Variants in FHIT observed in about 807,000 individuals in gnomAD.
The protein encoded by FHIT is bis(5'-adenosyl)-triphosphatase.
In FHIT, 19 loss-of-function variants were observed where a neutral mutation model predicts 17.9. The observed-to-expected ratio is 1.06, with a 90% CI of 0.74 to 1.56. The LOEUF (loss-of-function observed/expected upper bound fraction) is 1.56, where lower values mean the gene tolerates loss of function less well. FHIT is among the 40% of genes most tolerant of loss of function. The pLI is 0.00. For missense variants in FHIT, 248 were observed against 189.2 expected, an observed-to-expected ratio of 1.31 and a Z score of -1.82; for synonymous variants, 81 against 69.7, an observed-to-expected ratio of 1.16 and a Z score of -0.81.
chr3:60,625,934 G>A (rs1209240496), intron 4 of FHIT, among the ~76,000 whole-genome samples: 1 of 152,196 alleles, frequency 6.6e-6, no homozygotes, highest in Non-Finnish European at 1.5e-5. Context: ...GTCAGGTAAG[G>A]ATCCAAATTC....
intron 4 of FHIT, among the ~76,000 whole-genome samples, chr3:60,675,632 A>C (rs1317429916): frequency 6.7e-6 from 1 of 149,834 alleles, no homozygotes; most frequent in Non-Finnish European, 1.5e-5. Flanking sequence ...TGCACCTGAT[A>C]CCTAAGCAGT....
chr3:59,945,372 T>C (rs1052881821), intron 7 of FHIT, among the ~76,000 whole-genome samples: 1 of 152,216 alleles, frequency 6.6e-6, no homozygotes, highest in African/African-American at 2.4e-5. Flanking sequence ...AATAGGGTTG[T>C]TTTTGCTTGT....
At chr3:60,992,650 G>A (rs1369656709) in intron 3 of FHIT, among the ~76,000 whole-genome samples, 1 of 152,174 alleles carries the variant, frequency 6.6e-6, no homozygotes, top group Non-Finnish European at 1.5e-5. Context: ...TGTTAAACTG[G>A]GACCATGACC....
chr3:60,029,894 T>TGTGTGTGTGTGC (rs2106778701), intron 5 of FHIT, among the ~76,000 whole-genome samples: 1 of 109,138 alleles, frequency 9.2e-6, no homozygotes, highest in East Asian at 2.2e-4. Context: ...TGTGTGTGTG[T>TGTGTGTGTGTGC]GTCTGTGTGT....
chr3:59,978,696 T>C (rs988193608), intron 7 of FHIT, among the ~76,000 whole-genome samples: 7 of 149,868 alleles, frequency 4.7e-5, no homozygotes, highest in Non-Finnish European at 7.4e-5. Flanking sequence ...CATATGCCTA[T>C]CCAATAGTTT....
chr3:60,942,343 T>A (rs948194654), intron 3 of FHIT, among the ~76,000 whole-genome samples: 28 of 152,346 alleles, frequency 1.8e-4, no homozygotes, highest in Non-Finnish European at 3.5e-4. Context: ...GAAGCCAGAC[T>A]TAACCTGGTC....
chr3:60,331,042 T>C (rs184401369), intron 5 of FHIT, among the ~76,000 whole-genome samples: 1 of 152,138 alleles, frequency 6.6e-6, no homozygotes, highest in Admixed American at 6.5e-5. Context: ...GTCACCAGAA[T>C]CCCCTGCATA....
intron 8 of FHIT, among the ~76,000 whole-genome samples, chr3:59,782,332 T>C (rs1294000148): frequency 6.6e-6 from 1 of 152,178 alleles, no homozygotes; most frequent in Non-Finnish European, 1.5e-5. Flanking sequence ...TGTGTGCCTG[T>C]AATAAAGATA....
At chr3:60,558,987 T>A (rs1021842847) in intron 4 of FHIT, among the ~76,000 whole-genome samples, 2 of 152,168 alleles carry the variant, frequency 1.3e-5, no homozygotes, top group African/African-American at 4.8e-5. Context: ...ATAACAAACT[T>A]CTAGCATTGA....
At chr3:60,907,007 G>T (rs1353800385) in intron 3 of FHIT, among the ~76,000 whole-genome samples, 1 of 152,076 alleles carries the variant, frequency 6.6e-6, no homozygotes, top group African/African-American at 2.4e-5. Context: ...ATAATACAAA[G>T]AGAAAAACAT....
chr3:60,951,579 C>T (rs1422172069), intron 3 of FHIT, among the ~76,000 whole-genome samples: 1 of 152,204 alleles, frequency 6.6e-6, no homozygotes, highest in African/African-American at 2.4e-5. Context: ...CTCTTGACAC[C>T]TAACGACCTT....
chr3:59,772,051 C>T (rs184312537), intron 8 of FHIT, among the ~76,000 whole-genome samples: 4 of 152,346 alleles, frequency 2.6e-5, no homozygotes, highest in Non-Finnish European at 5.9e-5. Context: ...TGCACTCGCA[C>T]AACCTTGACC....
At chr3:60,559,023 T>C (rs2036840338) in intron 4 of FHIT, among the ~76,000 whole-genome samples, 1 of 152,222 alleles carries the variant, frequency 6.6e-6, no homozygotes. Context: ...GGTAATCCTC[T>C]GACTGATCAC....
intron 8 of FHIT, among the ~76,000 whole-genome samples, chr3:59,899,256 C>T (rs533936525): frequency 1.3e-5 from 2 of 152,338 alleles, no homozygotes; most frequent in South Asian, 4.1e-4. Context: ...AAACACTGAA[C>T]TTCTCAGACA....
chr3:60,244,108 C>A (rs1705270604), intron 5 of FHIT, among the ~76,000 whole-genome samples: 2 of 152,036 alleles, frequency 1.3e-5, no homozygotes, highest in African/African-American at 4.8e-5. Context: ...TTAAAAGTGG[C>A]TTTTCTGATC....
At chr3:60,164,862 C>G (rs539656163) in intron 5 of FHIT, among the ~76,000 whole-genome samples, 1 of 152,240 alleles carries the variant, frequency 6.6e-6, no homozygotes, top group South Asian at 2.1e-4. Flanking sequence ...ACGTACCAGT[C>G]CAAATCTCCA....
chr3:60,555,014 A>T (rs372645794), intron 4 of FHIT, among the ~76,000 whole-genome samples: 100 of 152,368 alleles, frequency 6.6e-4, no homozygotes, highest in African/African-American at 2.2e-3. Flanking sequence ...TTCACAAGAT[A>T]ACTACATGAC....
chr3:60,506,633 G>A (rs780568009), intron 5 of FHIT, among the ~76,000 whole-genome samples: 2 of 152,082 alleles, frequency 1.3e-5, no homozygotes, highest in Non-Finnish European at 2.9e-5. Flanking sequence ...TATAACACAC[G>A]GCCCTCCCAA....
intron 4 of FHIT, among the ~76,000 whole-genome samples, chr3:60,544,690 C>T (rs1036624230): frequency 1.5e-4 from 23 of 151,274 alleles, no homozygotes; most frequent in African/African-American, 7.3e-5. Context: ...TCCGCCTCCC[C>T]GGTTCAAGCG....
Sources: gnomAD v4.1 joint callset for allele counts (sites outside exome capture counted in the v4.1 genomes callset) on GRCh38, gnomAD v4.1.1 for gene constraint, MANE v1.5 for transcripts, NCBI Gene and HGNC (gene_info 2026-07-23, HGNC 2026-07-21) for gene names.